CD109: variants seen among roughly 807,000 people sequenced by gnomAD.
CD109 encodes CD109 molecule.
In CD109, 149 loss-of-function variants were observed where a neutral mutation model predicts 165.8. The ratio of observed to expected loss-of-function variants is 0.90; its 90% CI spans 0.79 to 1.03. The LOEUF (loss-of-function observed/expected upper bound fraction) is 1.03, where lower values mean the gene tolerates loss of function less well. Among genes scored for constraint, CD109 ranks in the 50% least tolerant of loss-of-function variants. The pLI, the probability that CD109 is intolerant of heterozygous loss-of-function variation, is 0.00. For synonymous variants in CD109, 585 were observed against 592.1 expected, an observed-to-expected ratio of 0.99 and a Z score of 0.18; for missense variants, 1,712 against 1,677.8, an observed-to-expected ratio of 1.02 and a Z score of -0.36.
chr6:73,763,823 A>C (rs1364725066), intron 10 of CD109, 138 bp downstream of exon 10: 1 of 414,386 alleles, frequency 2.4e-6, no homozygotes, highest in African/African-American at 2.0e-5. Flanking sequence ...CATGTGGGGC[A>C]TGTAGATTTG....
At chr6:73,806,721 C>A in intron 24 of CD109, 123 bp from the exon 25 acceptor site, 1 of 650,838 alleles carries the variant, frequency 1.5e-6, no homozygotes, top group Non-Finnish European at 2.6e-6. Flanking sequence ...GTTCCATCTT[C>A]AGTGATTCCC....
At chr6:73,695,907 T>G (rs930170895), upstream of CD109, 1 of 393,256 alleles carries the variant, frequency 2.5e-6, no homozygotes, top group Non-Finnish European at 4.7e-6. Context: ...GCGCGCTCTG[T>G]TCTCCGCGGC....
At chr6:73,786,870 T>C (rs1677247198) in intron 20 of CD109, among the ~76,000 whole-genome samples, 1 of 152,348 alleles carries the variant, frequency 6.6e-6, no homozygotes, top group African/African-American at 2.4e-5. Context: ...ATGAGACCAG[T>C]ATGTTCCAGG....
intron 27 of CD109, 106 bp from the exon 28 acceptor site, chr6:73,810,886 T>C: frequency 8.9e-7 from 1 of 1,119,026 alleles, no homozygotes; most frequent in Non-Finnish European, 1.3e-6. Flanking sequence ...AGCATTCCAC[T>C]CTGAAGGAAG....
rs1185927422 is a variant in CD109 at position 73,763,581 on chromosome 6, T to A, written c.1003T>A (p.Ser335Thr). ...TTGTGCAATTTCCAAAAAAGGTATT[T>A]CAAGAAATGTAAGCACTAATGTGTT... ...TTVTESVTGI[S>T]RNVSTNVFFK... is the part of the protein sequence containing the mutation. The change falls in exon 10 of 33, where the codon TCA (serine) becomes ACA (threonine). Residue 335 changes from serine to threonine, a missense_variant. Transcript: ENST00000287097. 4 of 1,548,624 alleles carry A rather than the reference T, an allele frequency of 2.6e-6. No homozygotes were observed. The highest frequency in any genetic ancestry group is 3.5e-6 in the Non-Finnish European group (4 of 1,137,960).
At chr6:73,713,843 T>G (rs1164262152) in intron 2 of CD109, among the ~76,000 whole-genome samples, 3 of 152,234 alleles carry the variant, frequency 2.0e-5, no homozygotes, top group Non-Finnish European at 4.4e-5. Context: ...GAGAGCCTCA[T>G]TTGGATTGTA....
intron 15 of CD109, 34 bp from the exon 16 acceptor site, chr6:73,780,390 T>C (rs764970341): frequency 1.6e-6 from 2 of 1,229,406 alleles, no homozygotes; most frequent in African/African-American, 1.5e-5. Flanking sequence ...TTGTTATGAA[T>C]CCATTCATTC....
chr6:73,790,037 T>C (rs1774863099), intron 22 of CD109, among the ~76,000 whole-genome samples: 1 of 150,464 alleles, frequency 6.6e-6, no homozygotes, highest in South Asian at 2.1e-4. Flanking sequence ...ACTCAGCCTT[T>C]CTTAGCAATT....
chr6:73,797,821 A>T (rs1045725364), intron 23 of CD109, among the ~76,000 whole-genome samples: 1 of 152,174 alleles, frequency 6.6e-6, no homozygotes, highest in Non-Finnish European at 1.5e-5. Context: ...CTGGCCCTTT[A>T]TGAAGGGCTC....
chr6:73,738,383 G>A (rs947965161), intron 5 of CD109, among the ~76,000 whole-genome samples: 11 of 152,190 alleles, frequency 7.2e-5, no homozygotes, highest in Admixed American at 6.5e-4. Context: ...TGGGTGGGCC[G>A]CCCTGGGTCA....
the CD109 span, among the ~76,000 whole-genome samples, chr6:73,686,791 A>G: frequency 1.3e-5 from 2 of 152,158 alleles, no homozygotes; most frequent in East Asian, 1.9e-4. Context: ...TCCCGGGTTC[A>G]AGTGATTCTT....
chr6:73,728,527 A>T (rs984095446), intron 3 of CD109, among the ~76,000 whole-genome samples: 2 of 152,204 alleles, frequency 1.3e-5, no homozygotes, highest in African/African-American at 4.8e-5. Context: ...TCTATCATAC[A>T]TCTATCCATC....
In CD109 at chr6:73,780,553, C is replaced by G. The variant is rs549898378; in HGVS notation, c.1902+55C>G. 7.9e-6 allele frequency: 9 copies of G among 1,143,964 alleles called. No individual in the cohort carries two copies. In the South Asian group the frequency reaches 1.0e-4, roughly 13 times the overall value. The allele number at this position is 1,143,964 out of a possible 1,614,324, so 70.9% of individuals were successfully genotyped here. On this transcript the variant is annotated intron_variant, in intron 16 of 32. Transcript: ENST00000287097. ...ATTAATATTTTTTACTATTGCAAAC[C>G]CTTTCAGAATTAGTGATCATTTTGA...
Position 73,792,796 on chromosome 6 carries a change from A to C in CD109, c.2872A>C (p.Arg958=), listed in dbSNP as rs768313068. ...NLKEKALSFM[R]QGYQRELLYQ... is the part of the protein sequence containing the mutation. ...GAAAGAAAAAGCTCTTTCATTTATGAGGCAAGGTAAGCATTTTAGAGACCT... is the reference window on the plus strand; with the variant it reads ...GAAAGAAAAAGCTCTTTCATTTATGCGGCAAGGTAAGCATTTTAGAGACCT... The change falls in exon 23 of 33, where the codon AGG becomes CGG. Residue 958 remains arginine (R), a synonymous_variant. Coordinates refer to ENST00000287097, the MANE Select transcript of CD109 (RefSeq NM_133493.5). The C allele has an allele frequency of 1.2e-6, 2 of 1,606,404 alleles. No homozygotes were observed. Among genetic ancestry groups the C allele is most frequent in the Non-Finnish European group, 1.7e-6 (2 of 1,178,802 alleles).
In CD109 at chr6:73,826,027, T is replaced by A. The variant is rs996205218; in HGVS notation, c.*2394T>A. The A allele has an allele frequency of 6.6e-6, 1 of 152,130 alleles. No homozygotes were observed. Among genetic ancestry groups the A allele is most frequent in the African/African-American group, 2.4e-5 (1 of 41,406 alleles). The allele number at this position is 152,130 out of a possible 1,614,324, so 9.4% of individuals were successfully genotyped here. ...CCTTGTAACTCATCTCTTTTTATTG[T>A]AAGTTTATTAAAAATGAAGAGGACA... On this transcript the variant is annotated 3_prime_UTR_variant, in exon 33 of 33. Coordinates refer to ENST00000287097, the MANE Select transcript of CD109 (RefSeq NM_133493.5).
chr6:73,705,102 T>A (rs1181196224), intron 2 of CD109, among the ~76,000 whole-genome samples: 1 of 152,154 alleles, frequency 6.6e-6, no homozygotes, highest in Non-Finnish European at 1.5e-5. Flanking sequence ...GATAGGGGTT[T>A]GTGTATATAT....
Position 73,818,486 on chromosome 6 carries a change from T to C in CD109, c.4010T>C (p.Val1337Ala), listed in dbSNP as rs139034974. 7.2e-5 allele frequency: 116 copies of C among 1,613,254 alleles called. No homozygotes were observed. The highest frequency in any genetic ancestry group is 1.0e-4 in the Admixed American group (6 of 59,812). ...PSEAISLSET[V>A]KKVEYDHGKL... is the part of the protein sequence containing the mutation. ...GAAGCAATTTCTCTGAGCGAGACAG[T>C]GAAGAAAGTGGAATATGATCATGGA... Residue 1337 changes from valine (V) to alanine (A), a missense_variant, in exon 31 of 33, where the codon GTG becomes GCG. Physicochemically the swap from Val to Ala is moderately conservative, Grantham distance 64. Coordinates refer to ENST00000287097, the MANE Select transcript of CD109 (RefSeq NM_133493.5).
At chr6:73,733,753 C>A (rs1378196602) in intron 4 of CD109, among the ~76,000 whole-genome samples, 1 of 152,140 alleles carries the variant, frequency 6.6e-6, no homozygotes, top group Non-Finnish European at 1.5e-5. Flanking sequence ...AGAACCTGAC[C>A]GCTGGCCAGG....
chr6:73,763,211 G>A (rs545189531), intron 9 of CD109, among the ~76,000 whole-genome samples: 2 of 152,202 alleles, frequency 1.3e-5, no homozygotes, highest in Admixed American at 6.5e-5. Context: ...AATCTCAGCT[G>A]TTCCTAGACA....
Sources: gnomAD v4.1 joint callset for allele counts (sites outside exome capture counted in the v4.1 genomes callset) on GRCh38, gnomAD v4.1.1 for gene constraint, MANE v1.5 for transcripts, NCBI Gene and HGNC (gene_info 2026-07-23, HGNC 2026-07-21) for gene names.